The following CHST7 variants were observed in gnomAD, a reference collection of about 807,000 sequenced individuals.
The protein encoded by CHST7 is N-acetylglucosamine 6-O-sulfotransferase 4.
CHST7 carries 5 observed loss-of-function variants against 9.0 expected under a neutral mutation model. The ratio of observed to expected loss-of-function variants is 0.56; its 90% CI spans 0.29 to 1.17. CHST7 has a LOEUF of 1.17. Ranked by LOEUF, CHST7 falls within the 50% of genes most tolerant of loss-of-function variation. The pLI is 0.08. For missense variants in CHST7, 377 were observed against 485.1 expected, an observed-to-expected ratio of 0.78 and a Z score of 2.09; for synonymous variants, 244 against 237.1, an observed-to-expected ratio of 1.03 and a Z score of -0.27.
Position 46,574,656 on chromosome X carries a change from G to A in CHST7, c.725G>A (p.Arg242Gln), listed in dbSNP as rs1942487074. ...VAIRALEAEC[R>Q]KYPVVVIKDV... ...ATACGCGCCCTGGAGGCCGAGTGCC[G>A]AAAGTACCCGGTGGTGGTCATCAAG... is the stretch of plus-strand genomic sequence containing the variant. Residue 242 changes from arginine (R) to glutamine (Q), a missense_variant, in exon 1 of 2, where the codon CGA becomes CAA. Transcript: ENST00000276055. The A allele has an allele frequency of 8.3e-7, 1 of 1,208,914 alleles. No individual in the cohort carries two copies. The highest frequency in any genetic ancestry group is 1.1e-6 in the Non-Finnish European group (1 of 894,155).
In CHST7 at chrX:46,598,230, T is replaced by G. The variant is rs952319731; in HGVS notation, c.*502T>G. On this transcript the variant is annotated 3_prime_UTR_variant, in exon 2 of 2. Transcript: ENST00000276055. Reference sequence around the variant, plus strand: ...TTGTTTTTAACCTGACTCATCCAGCTGTCCTTCAAATAGCTCCGTCTCCCT... The same window carrying G: ...TTGTTTTTAACCTGACTCATCCAGCGGTCCTTCAAATAGCTCCGTCTCCCT... 2 of 112,656 alleles carry G rather than the reference T, an allele frequency of 1.8e-5. No homozygotes were observed. Among genetic ancestry groups the G allele is most frequent in the African/African-American group, 6.5e-5 (2 of 30,952 alleles). The allele number at this position is 112,656 out of a possible 1,213,427, so 9.3% of individuals were successfully genotyped here. A position where few individuals can be genotyped will look rare whatever the true frequency, so the allele number is the denominator to read the frequency against.
At chrX:46,577,123 C>G (rs867958998) in intron 1 of CHST7, among the ~76,000 whole-genome samples, 2 of 69,388 alleles carry the variant, frequency 2.9e-5, no homozygotes, top group African/African-American at 5.3e-5. Flanking sequence ...GAAACTTTTG[C>G]TTTTTTTTTT....
At chrX:46,593,947 C>A (rs1371297609) in intron 1 of CHST7, among the ~76,000 whole-genome samples, 1 of 112,046 alleles carries the variant, frequency 8.9e-6, no homozygotes, top group Non-Finnish European at 1.9e-5. Flanking sequence ...ATTTTCTCTA[C>A]ATATATTGAG....
At position 46,575,362 on chromosome X, in the gene CHST7, G is replaced by A. The variant is rs771178040; in HGVS notation, c.1431G>A (p.Pro477=). The A allele has an allele frequency of 1.4e-5, 15 of 1,053,555 alleles. No homozygotes were observed. The highest frequency in any genetic ancestry group is 3.9e-5 in the African/African-American group (2 of 51,252). The allele number at this position is 1,053,555 out of a possible 1,213,427, so 86.8% of individuals were successfully genotyped here. A position where few individuals can be genotyped will look rare whatever the true frequency, so the allele number is the denominator to read the frequency against. ...DAEQPREGET[P]LEMDADGAT is the part of the protein sequence containing the mutation. The stretch of plus-strand genomic sequence containing the variant: ...AGCAGCCCAGGGAAGGGGAGACGCC[G>A]CTGGAGATGGATGCCGACGGCGCCA... The change falls in exon 1 of 2, where the codon CCG becomes CCA. Residue 477 remains proline (P), a synonymous_variant. Transcript: ENST00000276055.
Position 46,575,383 on chromosome X carries a change from C to T in CHST7, c.1452C>T (p.Gly484=). The change falls in exon 1 of 2, where the codon GGC becomes GGT. Residue 484 remains glycine, a synonymous_variant. Coordinates refer to ENST00000276055, the MANE Select transcript of CHST7 (RefSeq NM_019886.4). ...CGCCGCTGGAGATGGATGCCGACGGCGCCACGTAGCCTCCCATCCCTGTCC... is the reference window on the plus strand; with the variant it reads ...CGCCGCTGGAGATGGATGCCGACGGTGCCACGTAGCCTCCCATCCCTGTCC... ...GETPLEMDAD[G]AT 9.6e-7 allele frequency: 1 copy of T among 1,040,753 alleles called. No homozygotes were observed. Among genetic ancestry groups the T allele is most frequent in the South Asian group, 2.9e-5 (1 of 35,008 alleles). 85.8% of individuals were successfully genotyped at this position (1,040,753 alleles called of 1,213,427 possible).
chrX:46,574,152 C>T lies in CHST7; in HGVS notation c.221C>T (p.Ala74Val). ...GAGCAGGGAGCGGAGGCGCGGGCCG[C>T]CGAGGAAGGGGGCGCGAACCAGTCT... ...EREQGAEARA[A>V]EEGGANQSPR... The change falls in exon 1 of 2, where the codon GCC (alanine) becomes GTC (valine). Residue 74 changes from alanine to valine, a missense_variant. Physicochemically the swap from Ala to Val is moderately conservative, Grantham distance 64. Transcript: ENST00000276055. 8.5e-7 allele frequency: 1 copy of T among 1,169,902 alleles called. No homozygotes were observed. Among genetic ancestry groups the T allele is most frequent in the Non-Finnish European group, 1.1e-6 (1 of 874,078 alleles).
chrX:46,587,534 A>G (rs750099878), intron 1 of CHST7, among the ~76,000 whole-genome samples: 2 of 112,320 alleles, frequency 1.8e-5, no homozygotes, highest in Non-Finnish European at 3.7e-5. Context: ...GAAATTATGA[A>G]TAACATTTAA....
chrX:46,596,635 T>C lies in CHST7; in HGVS notation c.*32-1125T>C, dbSNP rs760214931. On this transcript the variant is annotated intron_variant, in intron 1 of 1. Coordinates refer to ENST00000276055, the MANE Select transcript of CHST7 (RefSeq NM_019886.4). ...TAGCCCTTTCATGAAACATGTGTAC[T>C]AGCAAAATACTAAAGATTTATAGAA... Among the ~76,000 whole-genome samples the C allele has an allele frequency of 3.6e-5, 4 of 110,415 alleles. No homozygotes were observed. The South Asian group carries it at 1.5e-3, about 42-fold the overall frequency.
At chrX:46,594,446 GA>G (rs1172434492) in intron 1 of CHST7, among the ~76,000 whole-genome samples, 3 of 108,680 alleles carry the variant, frequency 2.8e-5, no homozygotes, top group Non-Finnish European at 5.7e-5. Flanking sequence ...AGAATCATCT[GA>G]ACCCAGGAGG....
At position 46,582,136 on chromosome X, in the gene CHST7, T is replaced by C. The variant is rs1201456469; in HGVS notation, c.*31+6713T>C. On this transcript the variant is annotated intron_variant, in intron 1 of 1. Coordinates refer to ENST00000276055, the MANE Select transcript of CHST7 (RefSeq NM_019886.4). ...TTTTTAATAGCTATATTGTATTTCA[T>C]GGTAGGAATGTATTATAACATATTT... 2.7e-5 allele frequency among the ~76,000 whole-genome samples: 3 copies of C among 111,901 alleles called. No individual in the cohort carries two copies. The Admixed American group carries it at 2.9e-4, about 11-fold the overall frequency.
rs199647247 is a variant in CHST7, at chrX:46,585,291, TTTTC to T, written c.*31+9872_*31+9875del. Among the ~76,000 whole-genome samples, 115 of 51,328 alleles carry T rather than the reference TTTTC, an allele frequency of 2.2e-3. 5 individuals are homozygous for T. The highest frequency in any genetic ancestry group is 0.012 in the South Asian group (12 of 1,004). 44.6% of individuals were successfully genotyped at this position (51,328 alleles called of 115,157 possible). ...TTCCTTTCTTTCTTTTTTTCTTTTC[TTTTC>T]TTTTTTTTTTTTTTGAGACAGTCTT... On this transcript the variant is annotated intron_variant, in intron 1 of 1. Transcript: ENST00000276055.
At chrX:46,593,649 T>C (rs1942581690) in intron 1 of CHST7, among the ~76,000 whole-genome samples, 1 of 112,335 alleles carries the variant, frequency 8.9e-6, no homozygotes, top group Non-Finnish European at 1.9e-5. Context: ...ATCTAATTAT[T>C]GATATTTTAG....
chrX:46,592,752 TTTATC>T lies in CHST7; in HGVS notation c.*32-5004_*32-5000del, dbSNP rs759079013. ...GTTTTCAGTTTTACTGATTTCTCCT[TTTATC>T]TTAATTATTTCCTTACTTCTGCTTG... On this transcript the variant is annotated intron_variant, in intron 1 of 1. Coordinates refer to ENST00000276055, the MANE Select transcript of CHST7 (RefSeq NM_019886.4). 7.3e-5 allele frequency among the ~76,000 whole-genome samples: 8 copies of T among 109,049 alleles called. No homozygotes were observed. The East Asian group carries it at 8.7e-4, about 12-fold the overall frequency. 94.7% of individuals were successfully genotyped at this position (109,049 alleles called of 115,157 possible). A position where few individuals can be genotyped will look rare whatever the true frequency, so the allele number is the denominator to read the frequency against.
intron 1 of CHST7, among the ~76,000 whole-genome samples, chrX:46,596,678 G>T (rs1942595919): frequency 9.0e-6 from 1 of 110,608 alleles, no homozygotes; most frequent in Non-Finnish European, 1.9e-5. Flanking sequence ...GGGCACAGTG[G>T]CTCATGCCAG....
intron 1 of CHST7, among the ~76,000 whole-genome samples, chrX:46,576,997 C>T (rs1180227269): frequency 1.8e-5 from 2 of 111,469 alleles, no homozygotes; most frequent in African/African-American, 6.5e-5. Flanking sequence ...TCTGCTGATC[C>T]TGTATTTACA....
At chrX:46,585,215 A>T (rs1942542889) in intron 1 of CHST7, among the ~76,000 whole-genome samples, 1 of 110,563 alleles carries the variant, frequency 9.0e-6, no homozygotes, top group Non-Finnish European at 1.9e-5. Context: ...ATAACAAAAA[A>T]GTTCCTCTTT....
intron 1 of CHST7, among the ~76,000 whole-genome samples, chrX:46,594,856 C>CT (rs1455333599): frequency 1.8e-5 from 2 of 111,780 alleles, no homozygotes; most frequent in Non-Finnish European, 3.8e-5. Context: ...TTTTCAGTCT[C>CT]TTTTTCTGGA....
rs1487767174 is a variant in CHST7, at chrX:46,575,209, C to T, written c.1278C>T (p.Asp426=). 3 of 1,101,838 alleles carry T rather than the reference C, an allele frequency of 2.7e-6. No individual in the cohort carries two copies. The highest frequency in any genetic ancestry group is 3.5e-6 in the Non-Finnish European group (3 of 850,278). 90.8% of individuals were successfully genotyped at this position (1,101,838 alleles called of 1,213,427 possible). ...GGCCCTTCCACCTGTCAGCGCGCGA[C>T]GCCCGGGAGGCGGTGCACGCCTGGC... ...ADRPFHLSAR[D]AREAVHAWRE... The change falls in exon 1 of 2, where the codon GAC becomes GAT. Residue 426 remains aspartate (D), a synonymous_variant. Transcript: ENST00000276055.
chrX:46,574,452 C>T lies in CHST7; in HGVS notation c.521C>T (p.Pro174Leu), dbSNP rs766923926. The T allele has an allele frequency of 5.6e-5, 67 of 1,205,600 alleles. No homozygotes were observed. Among genetic ancestry groups the T allele is most frequent in the Non-Finnish European group, 7.2e-5 (64 of 893,314 alleles). ...TCCGTGCTGCGGCTGTACGCGCCGC[C>T]GGGGGACCCCGCTGCGCGCGCCCCG... ...DFSVLRLYAP[P>L]GDPAARAPDT... is the part of the protein sequence containing the mutation. The change falls in exon 1 of 2, where the codon CCG becomes CTG. Residue 174 changes from proline (P) to leucine (L), a missense_variant. By Grantham distance (98) the Pro-to-Leu change is moderately conservative (BLOSUM62 -3). Coordinates refer to ENST00000276055, the MANE Select transcript of CHST7 (RefSeq NM_019886.4).
Sources: gnomAD v4.1 joint callset for allele counts (sites outside exome capture counted in the v4.1 genomes callset) on GRCh38, gnomAD v4.1.1 for gene constraint, MANE v1.5 for transcripts, NCBI Gene and HGNC (gene_info 2026-07-23, HGNC 2026-07-21) for gene names.